The following SNX29 variants were observed in gnomAD, a reference collection of about 807,000 sequenced individuals.
The protein encoded by SNX29 is sorting nexin 29, also known as sorting nexin-29.
In SNX29, 78 loss-of-function variants were observed where a neutral mutation model predicts 102.1. The ratio of observed to expected loss-of-function variants is 0.76; its 90% confidence interval spans 0.64 to 0.92. The LOEUF is 0.92. Ranked by LOEUF, SNX29 falls within the 40% of genes least tolerant of loss-of-function variation. The probability of loss-of-function intolerance (pLI) is 0.00; values close to 1 mark genes in which losing one functional copy is unlikely to be tolerated. For synonymous variants in SNX29, 580 were observed against 414.5 expected (o/e 1.40, Z -4.85); for missense variants, 1,280 against 1,061.7 (o/e 1.21, Z -2.86).
At position 12,573,215 on chromosome 16, in the gene SNX29, C is replaced by T. The variant is rs570126874; in HGVS notation, c.*4586C>T. 4.4e-6 allele frequency: 1 copy of T among 227,182 alleles called. No homozygotes were observed. The highest frequency in any genetic ancestry group is 8.7e-6 in the Non-Finnish European group (1 of 114,304). The allele number at this position is 227,182 out of a possible 1,614,324, so 14.1% of individuals were successfully genotyped here. On this transcript the variant is annotated 3_prime_UTR_variant, in exon 21 of 21. Coordinates refer to ENST00000566228, the MANE Select transcript of SNX29 (RefSeq NM_032167.5). ...CTCCCGGCTCTAGGCAGACCGGATC[C>T]CGCAGTTCATCCCATGGTTGTTGAA...
At chr16:12,424,580 G>A (rs2084984559) in intron 18 of SNX29, among the ~76,000 whole-genome samples, 1 of 152,306 alleles carries the variant, frequency 6.6e-6, no homozygotes, top group South Asian at 2.1e-4. Flanking sequence ...GTAAGAGGCA[G>A]AAATAGCTTC....
At chr16:12,489,707 G>A in intron 19 of SNX29, among the ~76,000 whole-genome samples, 1 of 152,196 alleles carries the variant, frequency 6.6e-6, no homozygotes, top group Non-Finnish European at 1.5e-5. Flanking sequence ...TTTCTTTTGT[G>A]ATTGGTGACA....
At position 12,320,892 on chromosome 16, in the gene SNX29, G is replaced by T. The variant is rs186536767; in HGVS notation, c.1783-35271G>T. On this transcript the variant is annotated intron_variant, in intron 15 of 20. Transcript: ENST00000566228. ...AGGTTGCCTTAGGTCCCACATTTGG[G>T]TGCTTAAAAGGATGGCGGCAGTGTT... Among the ~76,000 whole-genome samples the T allele has an allele frequency of 3.0e-4, 45 of 152,268 alleles. 1 individual carries two copies. The East Asian group carries it at 7.9e-3, about 27-fold the overall frequency.
chr16:12,564,009 C>G (rs1446021838), intron 20 of SNX29, among the ~76,000 whole-genome samples: 1 of 152,136 alleles, frequency 6.6e-6, no homozygotes, highest in Admixed American at 6.5e-5. Context: ...CCCTCTTCCC[C>G]CAGGGTAGGG....
chr16:11,995,550 TC>T (rs760242694), intron 1 of SNX29, among the ~76,000 whole-genome samples: 15 of 144,956 alleles, frequency 1.0e-4, no homozygotes, highest in East Asian at 6.1e-4. Flanking sequence ...TTTCTTTTCT[TC>T]CCCCCCCACC....
chr16:12,508,250 C>T (rs925385897), intron 19 of SNX29, among the ~76,000 whole-genome samples: 3 of 152,194 alleles, frequency 2.0e-5, no homozygotes, highest in Admixed American at 1.3e-4. Flanking sequence ...CACGCATCCC[C>T]GGCCCTGCTC....
At chr16:12,223,401 C>G (rs571220090) in intron 14 of SNX29, among the ~76,000 whole-genome samples, 14 of 152,242 alleles carry the variant, frequency 9.2e-5, no homozygotes, top group African/African-American at 3.4e-4. Flanking sequence ...GTGGCTTATG[C>G]CTGTAATCCC....
At chr16:12,256,586 C>T (rs551352544) in intron 14 of SNX29, among the ~76,000 whole-genome samples, 1 of 152,284 alleles carries the variant, frequency 6.6e-6, no homozygotes, top group African/African-American at 2.4e-5. Flanking sequence ...CTTCGGCCCC[C>T]AAAGTGTTGG....
intron 16 of SNX29, among the ~76,000 whole-genome samples, chr16:12,396,822 A>G (rs1437305094): frequency 6.6e-6 from 1 of 152,222 alleles, no homozygotes; most frequent in African/African-American, 2.4e-5. Context: ...TTGATATATA[A>G]TGTATCTGCT....
intron 14 of SNX29, among the ~76,000 whole-genome samples, chr16:12,249,289 A>G (rs750211114): frequency 6.6e-6 from 1 of 152,258 alleles, no homozygotes; most frequent in Admixed American, 6.5e-5. Flanking sequence ...GAGTCCTGCC[A>G]TTTTCCTTCA....
intron 11 of SNX29, among the ~76,000 whole-genome samples, chr16:12,084,037 G>C (rs2052038002): frequency 6.6e-6 from 1 of 152,126 alleles, no homozygotes; most frequent in Non-Finnish European, 1.5e-5. Flanking sequence ...TATTCTTGTG[G>C]TTATTTACTA....
At chr16:12,158,858 A>G (rs1304075955) in intron 13 of SNX29, among the ~76,000 whole-genome samples, 1 of 152,164 alleles carries the variant, frequency 6.6e-6, no homozygotes, top group Non-Finnish European at 1.5e-5. Context: ...CTGTTTAAGT[A>G]TTGACTTCTG....
chr16:12,355,798 T>G (rs1159962426), intron 15 of SNX29, among the ~76,000 whole-genome samples: 1 of 130,882 alleles, frequency 7.6e-6, no homozygotes, highest in Non-Finnish European at 1.5e-5. Flanking sequence ...GGCTCTGGTG[T>G]CAGTTCCTTG....
At chr16:12,202,709 T>G (rs2076943077) in intron 14 of SNX29, among the ~76,000 whole-genome samples, 2 of 152,232 alleles carry the variant, frequency 1.3e-5, no homozygotes, top group African/African-American at 4.8e-5. Context: ...CTCCTCTCCT[T>G]TCACTTACGA....
Position 12,513,520 on chromosome 16 carries a change from C to G in SNX29, c.2179-11182C>G, listed in dbSNP as rs149018927. Among the ~76,000 whole-genome samples, 126 of 152,216 alleles carry G rather than the reference C, an allele frequency of 8.3e-4. 1 individual carries two copies. The East Asian group carries it at 0.021, about 26-fold the overall frequency. On this transcript the variant is annotated intron_variant, in intron 19 of 20. Transcript: ENST00000566228. ...CAGCTAAAGACTTCATCTCTCCCCT[C>G]TTCTGTCCATGCCTGGTGCGTTCCA...
chr16:12,336,951 C>A (rs1163721390), intron 15 of SNX29, among the ~76,000 whole-genome samples: 1 of 152,064 alleles, frequency 6.6e-6, no homozygotes, highest in East Asian at 1.9e-4. Flanking sequence ...GTCTCAAAAA[C>A]AAACAAACAA....
chr16:12,316,130 G>C (rs1001039492), intron 15 of SNX29, among the ~76,000 whole-genome samples: 1 of 152,232 alleles, frequency 6.6e-6, no homozygotes, highest in African/African-American at 2.4e-5. Context: ...ATCCCAGGCA[G>C]AGAGACAGCA....
intron 11 of SNX29, among the ~76,000 whole-genome samples, chr16:12,102,635 C>T (rs1319968823): frequency 1.3e-5 from 2 of 152,152 alleles, no homozygotes; most frequent in Non-Finnish European, 1.5e-5. Context: ...GAAGCATTCC[C>T]TTTGAAAACC....
intron 18 of SNX29, among the ~76,000 whole-genome samples, chr16:12,439,472 T>G (rs1392420279): frequency 2.6e-5 from 4 of 152,108 alleles, no homozygotes; most frequent in African/African-American, 9.7e-5. Context: ...TTCCCATGAC[T>G]GGGGAGGCCT....
Sources: gnomAD v4.1 joint callset for allele counts (sites outside exome capture counted in the v4.1 genomes callset) on GRCh38, gnomAD v4.1.1 for gene constraint, MANE v1.5 for transcripts, NCBI Gene and HGNC (gene_info 2026-07-23, HGNC 2026-07-21) for gene names.